The following CXCL2 variants were observed in gnomAD, a reference collection of about 807,000 sequenced individuals.
CXCL2 encodes C-X-C motif chemokine ligand 2.
Under a neutral mutation model 11.2 loss-of-function variants are expected in CXCL2, and 12 were observed. That is an observed-to-expected ratio of 1.08 (90% CI 0.69 to 1.74). The LOEUF (loss-of-function observed/expected upper bound fraction) is 1.74, where lower values mean the gene tolerates loss of function less well. CXCL2 is among the 40% of genes most tolerant of loss of function. CXCL2 has a pLI of 0.00. For synonymous variants in CXCL2, 68 were observed against 61.9 expected (o/e 1.10, Z -0.47); for missense variants, 120 against 137.8 (o/e 0.87, Z 0.65).
Position 74,097,675 on chromosome 4 carries a change from G to C in CXCL2, c.*81C>G. The C allele has an allele frequency of 7.0e-7, 1 of 1,434,626 alleles. No homozygotes were observed. Among genetic ancestry groups the C allele is most frequent in the East Asian group, 2.4e-5 (1 of 42,110 alleles). 88.9% of individuals were successfully genotyped at this position (1,434,626 alleles called of 1,614,324 possible). A position where few individuals can be genotyped will look rare whatever the true frequency, so the allele number is the denominator to read the frequency against. Reference sequence around the variant, plus strand: ...CAATCCAGGTGGCCTCTGCAGCTGTGTCTCTCTTTCCTCTTCTGTTCCTGT... The same window carrying C: ...CAATCCAGGTGGCCTCTGCAGCTGTCTCTCTCTTTCCTCTTCTGTTCCTGT... On this transcript the variant is annotated 3_prime_UTR_variant, in exon 4 of 4. Transcript: ENST00000508487.
chr4:74,097,616 A>G lies in CXCL2; in HGVS notation c.*140T>C. 1 of 466,888 alleles carries G rather than the reference A, an allele frequency of 2.1e-6. No individual in the cohort carries two copies. 28.9% of individuals were successfully genotyped at this position (466,888 alleles called of 1,614,324 possible). On this transcript the variant is annotated 3_prime_UTR_variant, in exon 4 of 4. Coordinates refer to ENST00000508487, the MANE Select transcript of CXCL2 (RefSeq NM_002089.4). Reference sequence around the variant, plus strand: ...AAATAAATAAATAAATAAATAGAAGACTTCTCCTAAGTGATGCTCAAACAC... The same window carrying G: ...AAATAAATAAATAAATAAATAGAAGGCTTCTCCTAAGTGATGCTCAAACAC...
At chr4:74,098,076 C>T (rs1187409078) in intron 3 of CXCL2, among the ~76,000 whole-genome samples, 2 of 152,296 alleles carry the variant, frequency 1.3e-5, no homozygotes, top group East Asian at 3.9e-4. Context: ...TCAAAGCAAC[C>T]TCATGATGTA....
chr4:74,098,522 A>C, intron 3 of CXCL2, 79 bp downstream of exon 3: 10 of 1,460,686 alleles, frequency 6.8e-6, no homozygotes, highest in Non-Finnish European at 9.5e-6. Flanking sequence ...GGTTTTCCTG[A>C]TTTACTTTTT....
intron 3 of CXCL2, among the ~76,000 whole-genome samples, chr4:74,097,980 G>A (rs1721317448): frequency 6.6e-6 from 1 of 152,172 alleles, no homozygotes; most frequent in South Asian, 2.1e-4. Flanking sequence ...GGTGACGTGG[G>A]GTGGAGGAGT....
intron 3 of CXCL2, 155 bp downstream of exon 3, chr4:74,098,446 C>CAGATTAAT: frequency 2.5e-6 from 2 of 787,462 alleles, no homozygotes; most frequent in South Asian, 3.7e-5. Context: ...GGCACCAGAA[C>CAGATTAAT]AGATTAATAA....
Position 74,097,492 on chromosome 4 carries a change from A to G in CXCL2, c.*264T>C, listed in dbSNP as rs151297331. On this transcript the variant is annotated 3_prime_UTR_variant, in exon 4 of 4. Transcript: ENST00000508487. ...TGAACTAACTTGGGTTTGACCTAAA[A>G]TAAACAATAAATATAATGGGAGAGT... The G allele has an allele frequency of 4.7e-4, 114 of 242,442 alleles. 1 individual carries two copies. The highest frequency in any genetic ancestry group is 2.2e-3 in the African/African-American group (97 of 45,066). The allele number at this position is 242,442 out of a possible 1,614,324, so 15.0% of individuals were successfully genotyped here.
Position 74,097,498 on chromosome 4 carries a change from A to G in CXCL2, c.*258T>C. ...AACTTGGGTTTGACCTAAAATAAAC[A>G]ATAAATATAATGGGAGAGTGTGCAA... On this transcript the variant is annotated 3_prime_UTR_variant, in exon 4 of 4. Coordinates refer to ENST00000508487, the MANE Select transcript of CXCL2 (RefSeq NM_002089.4). 7.9e-6 allele frequency: 2 copies of G among 253,442 alleles called. No homozygotes were observed. Among genetic ancestry groups the G allele is most frequent in the Non-Finnish European group, 1.5e-5 (2 of 135,908 alleles). 15.7% of individuals were successfully genotyped at this position (253,442 alleles called of 1,614,324 possible).
intron 3 of CXCL2, 73 bp downstream of exon 3, chr4:74,098,522 ATTTACT>A: frequency 6.8e-7 from 1 of 1,460,688 alleles, no homozygotes; most frequent in Non-Finnish European, 9.5e-7. Flanking sequence ...GGTTTTCCTG[ATTTACT>A]TTTTAGGGGG....
rs938729266 is a variant in CXCL2 at position 74,097,670 on chromosome 4, G to C, written c.*86C>G. On this transcript the variant is annotated 3_prime_UTR_variant, in exon 4 of 4. Transcript: ENST00000508487. The stretch of plus-strand genomic sequence containing the variant: ...AGGCGCAATCCAGGTGGCCTCTGCA[G>C]CTGTGTCTCTCTTTCCTCTTCTGTT... 1 of 1,409,812 alleles carries C rather than the reference G, an allele frequency of 7.1e-7. No homozygotes were observed. The highest frequency in any genetic ancestry group is 1.4e-5 in the African/African-American group (1 of 70,092). The allele number at this position is 1,409,812 out of a possible 1,614,324, so 87.3% of individuals were successfully genotyped here. A position where few individuals can be genotyped will look rare whatever the true frequency, so the allele number is the denominator to read the frequency against.
chr4:74,098,727 A>G (rs758998062), intron 2 of CXCL2, 43 bp from the exon 3 acceptor site: 6 of 1,613,914 alleles, frequency 3.7e-6, no homozygotes, highest in Non-Finnish European at 4.2e-6. Flanking sequence ...GGTCGGGCTG[A>G]GGACAGGGTT....
chr4:74,098,405 G>A, intron 3 of CXCL2, 196 bp downstream of exon 3: 2 of 571,838 alleles, frequency 3.5e-6, no homozygotes, highest in Non-Finnish European at 3.0e-6. Flanking sequence ...AAGAACCTGG[G>A]TGGTGACCCT....
intron 3 of CXCL2, 131 bp from the exon 4 acceptor site, chr4:74,097,902 G>C: frequency 1.1e-6 from 1 of 929,832 alleles, no homozygotes; most frequent in Non-Finnish European, 1.5e-6. Context: ...ACCCAAGTGG[G>C]TACTGCCTGT....
Position 74,097,659 on chromosome 4 carries a change from T to C in CXCL2, c.*97A>G. On this transcript the variant is annotated 3_prime_UTR_variant, in exon 4 of 4. Transcript: ENST00000508487. ...TCAAACACATTAGGCGCAATCCAGG[T>C]GGCCTCTGCAGCTGTGTCTCTCTTT... The C allele has an allele frequency of 8.2e-7, 1 of 1,223,970 alleles. No individual in the cohort carries two copies. Among genetic ancestry groups the C allele is most frequent in the Non-Finnish European group, 1.1e-6 (1 of 912,398 alleles). 75.8% of individuals were successfully genotyped at this position (1,223,970 alleles called of 1,614,324 possible).
chr4:74,098,776 C>A (rs1294171232), intron 2 of CXCL2, 23 bp downstream of exon 2: 4 of 1,613,278 alleles, frequency 2.5e-6, no homozygotes, highest in Non-Finnish European at 3.4e-6. Flanking sequence ...GCAGTGGCAG[C>A]GGCAGCGATG....
chr4:74,099,040 G>A lies in CXCL2; in HGVS notation c.81C>T (p.Ala27=). 1.4e-6 allele frequency: 2 copies of A among 1,476,136 alleles called. No homozygotes were observed. Among genetic ancestry groups the A allele is most frequent in the Non-Finnish European group, 9.0e-7 (1 of 1,116,714 alleles). The allele number at this position is 1,476,136 out of a possible 1,614,324, so 91.4% of individuals were successfully genotyped here. ...ACCCACCTGCTGCGCGCCGGCTGGC[G>A]GCCACCAGGAGCAGGAGCAGCAGCG... ...RVALLLLLLV[A]ASRRAAGAPL... is the part of the protein sequence containing the mutation. Residue 27 remains alanine (A), a synonymous_variant, in exon 1 of 4, where the codon GCC becomes GCT. Coordinates refer to ENST00000508487, the MANE Select transcript of CXCL2 (RefSeq NM_002089.4).
At position 74,098,635 on chromosome 4, in the gene CXCL2, T is replaced by A; in HGVS notation, c.274A>T (p.Met92Leu). Reference protein sequence around the residue: ...QKACLNPASPMVKKIIEKMLK... With the variant: ...QKACLNPASPLVKKIIEKMLK... ...ATCTTTTCGATGATTTTCTTAACCA[T>A]GGGCGATGCGGGGTTGAGACAAGCT... Residue 92 changes from methionine to leucine, a missense_variant, in exon 3 of 4, where the codon ATG becomes TTG. Coordinates refer to ENST00000508487, the MANE Select transcript of CXCL2 (RefSeq NM_002089.4). 6.2e-7 allele frequency: 1 copy of A among 1,614,148 alleles called. No individual in the cohort carries two copies. The highest frequency in any genetic ancestry group is 8.5e-7 in the Non-Finnish European group (1 of 1,180,028).
rs1029578976 is a variant in CXCL2 at position 74,097,808 on chromosome 4, A to G, written c.309-37T>C. ...AAATGGGTGCCCTGAGTAGGTGCTC[A>G]GGAAAGCTGACTGCACAACAGTCTT... On this transcript the variant is annotated intron_variant, in intron 3 of 3. Coordinates refer to ENST00000508487, the MANE Select transcript of CXCL2 (RefSeq NM_002089.4). The G allele has an allele frequency of 2.5e-6, 4 of 1,573,124 alleles. No individual in the cohort carries two copies. In the African/African-American group the frequency reaches 4.1e-5, roughly 16 times the overall value.
chr4:74,098,402 T>C (rs1721326619), intron 3 of CXCL2, 199 bp downstream of exon 3: 1 of 564,664 alleles, frequency 1.8e-6, no homozygotes, highest in East Asian at 3.3e-5. Context: ...GGGAAGAACC[T>C]GGGTGGTGAC....
chr4:74,099,095 G>T lies in CXCL2; in HGVS notation c.26C>A (p.Ala9Asp). The T allele has an allele frequency of 1.3e-6, 2 of 1,497,212 alleles. No homozygotes were observed. Among genetic ancestry groups the T allele is most frequent in the Non-Finnish European group, 8.9e-7 (1 of 1,124,940 alleles). 92.7% of individuals were successfully genotyped at this position (1,497,212 alleles called of 1,614,324 possible). A position where few individuals can be genotyped will look rare whatever the true frequency, so the allele number is the denominator to read the frequency against. The change falls in exon 1 of 4, where the codon GCC becomes GAC. Residue 9 changes from alanine (A) to aspartate (D), a missense_variant. Physicochemically the swap from Ala to Asp is moderately radical, Grantham distance 126. Coordinates refer to ENST00000508487, the MANE Select transcript of CXCL2 (RefSeq NM_002089.4). Reference sequence around the variant, plus strand: ...CCGCAGGAGCCGGGGATTGCTGGGGGCGGCGGAGAGCGTGGCGCGGGCCAT... The same window carrying T: ...CCGCAGGAGCCGGGGATTGCTGGGGTCGGCGGAGAGCGTGGCGCGGGCCAT... MARATLSAAPSNPRLLRVA... is the reference protein window; with the variant it reads MARATLSADPSNPRLLRVA...
Sources: allele counts gnomAD v4.1 joint callset (sites outside exome capture counted in the v4.1 genomes callset), GRCh38; gene constraint gnomAD v4.1.1; transcripts MANE v1.5; gene names NCBI Gene and HGNC (gene_info 2026-07-23, HGNC 2026-07-21).